The following DPP3 variants were observed in gnomAD, a reference collection of about 807,000 sequenced individuals.
DPP3 encodes the protein dipeptidyl peptidase 3.
DPP3 carries 64 observed loss-of-function variants against 89.8 expected under a neutral mutation model. That is an observed-to-expected ratio of 0.71 (90% confidence interval 0.58 to 0.88). The LOEUF is 0.88. Among genes scored for constraint, DPP3 ranks in the 40% least tolerant of loss-of-function variants. The pLI is 0.00. For missense variants in DPP3, 835 were observed against 972.5 expected, an observed-to-expected ratio of 0.86 and a Z score of 1.88; for synonymous variants, 377 against 404.3, an observed-to-expected ratio of 0.93 and a Z score of 0.81.
chr11:66,486,992 G>T (rs1855247998), intron 4 of DPP3, among the ~76,000 whole-genome samples: 1 of 152,160 alleles, frequency 6.6e-6, no homozygotes, highest in African/African-American at 2.4e-5. Context: ...GGGGTCCCAG[G>T]TTTCCCACCT....
intron 16 of DPP3, among the ~76,000 whole-genome samples, chr11:66,501,224 G>T (rs1855668836): frequency 6.6e-6 from 1 of 151,694 alleles, no homozygotes; most frequent in Non-Finnish European, 1.5e-5. Context: ...AGCCAGGCAT[G>T]GTGGCGCATC....
chr11:66,509,599 C>A lies in DPP3; in HGVS notation c.*348C>A. 1 of 650,838 alleles carries A rather than the reference C, an allele frequency of 1.5e-6. No individual in the cohort carries two copies. Among genetic ancestry groups the A allele is most frequent in the Non-Finnish European group, 2.8e-6 (1 of 357,164 alleles). 40.3% of individuals were successfully genotyped at this position (650,838 alleles called of 1,614,324 possible). A position where few individuals can be genotyped will look rare whatever the true frequency, so the allele number is the denominator to read the frequency against. On this transcript the variant is annotated 3_prime_UTR_variant, in exon 18 of 18. Transcript: ENST00000531863. ...GGGTTCAAAACGTTCTCACCAAATC[C>A]AATGCTCCTCACATATTAATTTTAT...
At chr11:66,486,406 T>G (rs1269708517) in intron 3 of DPP3, 134 bp from the exon 4 acceptor site, 5 of 1,124,418 alleles carry the variant, frequency 4.4e-6, no homozygotes, top group African/African-American at 3.2e-5. Context: ...GACCTACAAG[T>G]GCTGCTGGTC....
rs1855440194 is a variant in DPP3 at position 66,493,128 on chromosome 11, G to T, written c.1245G>T (p.Val415=). The T allele has an allele frequency of 1.2e-6, 2 of 1,614,008 alleles. No individual in the cohort carries two copies. The highest frequency in any genetic ancestry group is 1.3e-5 in the African/African-American group (1 of 74,954). ...KNVSLGNVLA[V]AYATQREKLT... is the part of the protein sequence containing the mutation. ...TGTCGCTGGGGAATGTGCTGGCTGT[G>T]GCCTACGCCACGCAGCGGGAGAAGC... is the stretch of plus-strand genomic sequence containing the variant. Residue 415 remains valine, a synonymous_variant, in exon 11 of 18, where the codon GTG becomes GTT. Coordinates refer to ENST00000531863, the MANE Select transcript of DPP3 (RefSeq NM_130443.4).
intron 6 of DPP3, among the ~76,000 whole-genome samples, chr11:66,488,408 A>G (rs1297239629): frequency 6.6e-6 from 1 of 152,154 alleles, no homozygotes; most frequent in Non-Finnish European, 1.5e-5. Flanking sequence ...CTAAAAATAC[A>G]GAAATTAGCC....
At chr11:66,507,339 C>T (rs561549052) in intron 17 of DPP3, among the ~76,000 whole-genome samples, 1 of 152,066 alleles carries the variant, frequency 6.6e-6, no homozygotes, top group African/African-American at 2.4e-5. Flanking sequence ...TGGTTGCAGG[C>T]GCCTGTAGTC....
At chr11:66,498,712 C>T (rs1424837086) in intron 16 of DPP3, among the ~76,000 whole-genome samples, 3 of 152,120 alleles carry the variant, frequency 2.0e-5, no homozygotes, top group Non-Finnish European at 4.4e-5. Context: ...ACAATATGAA[C>T]TTTGTACACC....
At chr11:66,504,490 G>A (rs1855752623) in intron 16 of DPP3, 122 bp from the exon 17 acceptor site, 1 of 1,104,940 alleles carries the variant, frequency 9.1e-7, no homozygotes, top group Non-Finnish European at 1.2e-6. Flanking sequence ...TTTTGGAGGG[G>A]ACACATTCAA....
intron 16 of DPP3, among the ~76,000 whole-genome samples, chr11:66,500,090 A>G (rs1033927371): frequency 6.6e-6 from 1 of 152,178 alleles, no homozygotes. Context: ...ACAGTCGCTC[A>G]CACCTGTAAT....
chr11:66,491,477 A>AC lies in DPP3; in HGVS notation c.799-12dup, dbSNP rs781392082. The AC allele has an allele frequency of 9.4e-6, 15 of 1,595,186 alleles. No homozygotes were observed. Among genetic ancestry groups the AC allele is most frequent in the Middle Eastern group, 1.7e-4 (1 of 5,982 alleles). On this transcript the variant is annotated splice_polypyrimidine_tract_variant and intron_variant, in intron 7 of 17. Coordinates refer to ENST00000531863, the MANE Select transcript of DPP3 (RefSeq NM_130443.4). Reference sequence around the variant, plus strand: ...TGGGTGGGTGGCCCGAGGCTGACCGACCCCCGCTCACCTCAGGCCTATGCA... The same window carrying AC: ...TGGGTGGGTGGCCCGAGGCTGACCGACCCCCCGCTCACCTCAGGCCTATGCA...
intron 1 of DPP3, 120 bp from the exon 2 acceptor site, chr11:66,482,073 C>G (rs1398349587): frequency 1.5e-5 from 21 of 1,385,906 alleles, no homozygotes; most frequent in Non-Finnish European, 9.8e-7. Context: ...TGAATGGGTA[C>G]AATAGTATTC....
Position 66,482,239 on chromosome 11 carries a change from C to T in DPP3, c.39C>T (p.Gly13=), listed in dbSNP as rs145366083. The change falls in exon 2 of 18, where the codon GGC becomes GGT. Residue 13 remains glycine (G), a synonymous_variant. Transcript: ENST00000531863. ...AGTACATCCTGCCCAATGACATCGG[C>T]GTGTCTAGCCTGGACTGCCGTGAGG... is the stretch of plus-strand genomic sequence containing the variant. The part of the protein sequence containing the change: ...DTQYILPNDI[G]VSSLDCREAF... 3.5e-5 allele frequency: 56 copies of T among 1,614,046 alleles called. 1 individual carries two copies. The highest frequency in any genetic ancestry group is 4.2e-5 in the Non-Finnish European group (49 of 1,180,046).
intron 12 of DPP3, 151 bp downstream of exon 12, chr11:66,493,784 C>G (rs868104933): frequency 2.6e-6 from 2 of 766,140 alleles, no homozygotes; most frequent in Middle Eastern, 5.0e-4. Flanking sequence ...AAGACCCTGT[C>G]TTGCCCTCCC....
intron 16 of DPP3, among the ~76,000 whole-genome samples, chr11:66,503,986 C>T (rs1397867291): frequency 6.6e-6 from 1 of 152,146 alleles, no homozygotes; most frequent in Non-Finnish European, 1.5e-5. Context: ...GGCTGCTCTT[C>T]TCTTCCATCC....
intron 17 of DPP3, among the ~76,000 whole-genome samples, chr11:66,506,870 T>G (rs1017077288): frequency 1.3e-5 from 2 of 151,994 alleles, no homozygotes; most frequent in Non-Finnish European, 2.9e-5. Flanking sequence ...AAGTAACTGC[T>G]TCGGTCCCTC....
At chr11:66,489,169 G>T in intron 6 of DPP3, among the ~76,000 whole-genome samples, 1 of 152,040 alleles carries the variant, frequency 6.6e-6, no homozygotes, top group East Asian at 1.9e-4. Flanking sequence ...CCTGGCCCCT[G>T]TCCAGGTCTT....
intron 15 of DPP3, 36 bp from the exon 16 acceptor site, chr11:66,497,262 C>G (rs201633493): frequency 3.8e-6 from 6 of 1,598,234 alleles, no homozygotes; most frequent in Non-Finnish European, 5.1e-6. Flanking sequence ...GCACTTGATA[C>G]GGGCTACAAA....
chr11:66,482,080 A>G, intron 1 of DPP3, 113 bp from the exon 2 acceptor site: 1 of 1,417,806 alleles, frequency 7.1e-7, no homozygotes, highest in Non-Finnish European at 9.5e-7. Context: ...GTACAATAGT[A>G]TTCCCTTCCA....
At chr11:66,502,947 G>A (rs1008682870) in intron 16 of DPP3, among the ~76,000 whole-genome samples, 1 of 151,816 alleles carries the variant, frequency 6.6e-6, no homozygotes. Context: ...TATCTTGTAT[G>A]TGTAAGAAAT....
Sources: allele counts gnomAD v4.1 joint callset (sites outside exome capture counted in the v4.1 genomes callset), GRCh38; gene constraint gnomAD v4.1.1; transcripts MANE v1.5; gene names NCBI Gene and HGNC (gene_info 2026-07-23, HGNC 2026-07-21).